Variants in PDPR observed in about 807,000 individuals in gnomAD.
PDPR encodes the protein pyruvate dehydrogenase phosphatase regulatory subunit, mitochondrial.
Under a neutral mutation model 102.2 loss-of-function variants are expected in PDPR, and 50 were observed. The observed-to-expected ratio is 0.49, with a 90% confidence interval of 0.39 to 0.62. The LOEUF is 0.62. Ranked by LOEUF, PDPR falls within the 20% of genes least tolerant of loss-of-function variation. The probability of loss-of-function intolerance (pLI) is 0.00; values close to 1 mark genes in which losing one functional copy is unlikely to be tolerated. For missense variants in PDPR, 625 were observed against 1,098.2 expected (o/e 0.57, Z 6.09); for synonymous variants, 259 against 406.0 (o/e 0.64, Z 4.35).
In PDPR at chr16:70,157,835, C is replaced by T. The variant is rs1597391427; in HGVS notation, c.*956C>T. ...GCGTTTGACTTTGTCAGGTCAGCCT[C>T]ACTTGTCCCTTTCACAGTTGGCCCA... On this transcript the variant is annotated 3_prime_UTR_variant, in exon 19 of 19. Transcript: ENST00000288050. The T allele has an allele frequency of 1.9e-5, 3 of 155,146 alleles. No homozygotes were observed. In the South Asian group the frequency reaches 6.1e-4, roughly 32 times the overall value. The allele number at this position is 155,146 out of a possible 1,614,324, so 9.6% of individuals were successfully genotyped here.
intron 17 of PDPR, among the ~76,000 whole-genome samples, chr16:70,149,875 C>T (rs1402559889): frequency 1.3e-5 from 2 of 152,184 alleles, no homozygotes; most frequent in Non-Finnish European, 2.9e-5. Flanking sequence ...ACTGCAAGCT[C>T]CGCCTCCCGG....
In PDPR at chr16:70,156,714, G is replaced by C; in HGVS notation, c.2475G>C (p.Gly825=). The C allele has an allele frequency of 1.2e-6, 2 of 1,613,966 alleles. No individual in the cohort carries two copies. Among genetic ancestry groups the C allele is most frequent in the Non-Finnish European group, 1.7e-6 (2 of 1,179,916 alleles). ...TGCACAATTTTTCTGAGGACACGGG[G>C]GAAGAGCAAGTGGTGACAGCAGATT... ...GFVHNFSEDT[G]EEQVVTADFI... is the part of the protein sequence containing the mutation. Residue 825 remains glycine, a synonymous_variant, in exon 19 of 19, where the codon GGG becomes GGC. Transcript: ENST00000288050.
chr16:70,150,108 C>A (rs12598135), intron 17 of PDPR, among the ~76,000 whole-genome samples: 1 of 123,718 alleles, frequency 8.1e-6, no homozygotes, highest in East Asian at 2.7e-4. Flanking sequence ...TTTTTTTTTT[C>A]TTTTTTTTTT....
chr16:70,119,999 C>G (rs1345106313), intron 2 of PDPR: 1 of 155,712 alleles, frequency 6.4e-6, no homozygotes, highest in East Asian at 1.9e-4. Flanking sequence ...TCGCTGCAGC[C>G]TCCGCCTCCC....
At chr16:70,156,017 G>A (rs1967135244) in intron 18 of PDPR, among the ~76,000 whole-genome samples, 1 of 152,184 alleles carries the variant, frequency 6.6e-6, no homozygotes. Flanking sequence ...AGCCTCCCAA[G>A]TAGCTAGAAC....
intron 6 of PDPR, among the ~76,000 whole-genome samples, chr16:70,129,424 A>T (rs1964316008): frequency 6.6e-6 from 1 of 152,290 alleles, no homozygotes; most frequent in Non-Finnish European, 1.5e-5. Flanking sequence ...GGCTCACTGC[A>T]ACCTTCGCCT....
intron 11 of PDPR, among the ~76,000 whole-genome samples, chr16:70,139,277 T>C (rs1241456877): frequency 6.6e-6 from 1 of 152,266 alleles, no homozygotes; most frequent in Non-Finnish European, 1.5e-5. Context: ...AGTTGGTACA[T>C]AGCAGCTTCA....
At position 70,130,435 on chromosome 16, in the gene PDPR, A is replaced by C. The variant is rs759472571; in HGVS notation, c.620A>C (p.Tyr207Ser). The C allele has an allele frequency of 1.2e-6, 2 of 1,613,516 alleles. No homozygotes were observed. The highest frequency in any genetic ancestry group is 3.3e-5 in the Admixed American group (2 of 59,920). ...TACCTTGGAACAGGTGTTCAGATCT[A>C]TGACCGGACATCTGTTCTTCATGTA... ...SAASQNGVQIYDRTSVLHVMV... is the reference protein window; with the variant it reads ...SAASQNGVQISDRTSVLHVMV... Residue 207 changes from tyrosine to serine, a missense_variant, in exon 7 of 19, where the codon TAT becomes TCT. Around this residue, in one of 11 missense-constraint regions of PDPR, gnomAD observed 35 missense variants for 63.5 expected, o/e 0.55. Coordinates refer to ENST00000288050, the MANE Select transcript of PDPR (RefSeq NM_017990.5).
intron 2 of PDPR, among the ~76,000 whole-genome samples, chr16:70,115,775 A>G (rs936749136): frequency 6.6e-6 from 1 of 151,954 alleles, no homozygotes; most frequent in Non-Finnish European, 1.5e-5. Flanking sequence ...TTAGCAGAGA[A>G]TATTATACGG....
Position 70,160,679 on chromosome 16 carries a change from T to C in PDPR, c.*3800T>C, listed in dbSNP as rs1266791516. The stretch of plus-strand genomic sequence containing the variant: ...TTGCTTGCTTTCCTGGACTGCTGTT[T>C]GCAAGAAAGTAACTAAAACATGAAA... On this transcript the variant is annotated 3_prime_UTR_variant, in exon 19 of 19. Coordinates refer to ENST00000288050, the MANE Select transcript of PDPR (RefSeq NM_017990.5). 6.6e-6 allele frequency: 1 copy of C among 152,544 alleles called. No homozygotes were observed. Among genetic ancestry groups the C allele is most frequent in the African/African-American group, 2.4e-5 (1 of 41,488 alleles). 9.4% of individuals were successfully genotyped at this position (152,544 alleles called of 1,614,324 possible).
At position 70,157,036 on chromosome 16, in the gene PDPR, T is replaced by A. The variant is rs968555397; in HGVS notation, c.*157T>A. 4 of 1,112,270 alleles carry A rather than the reference T, an allele frequency of 3.6e-6. No homozygotes were observed. The East Asian group carries it at 1.0e-4, about 29-fold the overall frequency. The allele number at this position is 1,112,270 out of a possible 1,614,324, so 68.9% of individuals were successfully genotyped here. On this transcript the variant is annotated 3_prime_UTR_variant, in exon 19 of 19. Transcript: ENST00000288050. ...ATTTTGAACTTGACCTACTTTAAAC[T>A]TTTTTGCTCTGCAGCCTTCCTTGCC...
downstream of PDPR, among the ~76,000 whole-genome samples, chr16:70,162,991 C>T (rs1967922006): frequency 6.6e-6 from 1 of 152,262 alleles, no homozygotes; most frequent in Admixed American, 6.5e-5. Flanking sequence ...TGCTCTTTTG[C>T]CCAGGCTGGA....
chr16:70,139,902 G>A lies in PDPR; in HGVS notation c.1315+879G>A, dbSNP rs1427025910. Among the ~76,000 whole-genome samples the A allele has an allele frequency of 5.3e-5, 8 of 152,264 alleles. 1 individual carries two copies. The highest frequency in any genetic ancestry group is 1.9e-4 in the African/African-American group (8 of 41,470). ...GTTTGGTAGTTGAACAACATTGTTG[G>A]TGAGGACTCTGGATGGCCTTTAATG... is the stretch of plus-strand genomic sequence containing the variant. On this transcript the variant is annotated intron_variant, in intron 11 of 18. Coordinates refer to ENST00000288050, the MANE Select transcript of PDPR (RefSeq NM_017990.5).
rs1474383599 is a variant in PDPR, at chr16:70,115,349, C to T, written c.-33+419C>T. The stretch of plus-strand genomic sequence containing the variant: ...ATGTTGGCCAGGCTGGTCTCGAACT[C>T]CTGACCTCGTGATTCTCCCGCCTCA... On this transcript the variant is annotated intron_variant, in intron 2 of 18. Coordinates refer to ENST00000288050, the MANE Select transcript of PDPR (RefSeq NM_017990.5). 2.0e-5 allele frequency among the ~76,000 whole-genome samples: 3 copies of T among 152,128 alleles called. No individual in the cohort carries two copies. The East Asian group carries it at 5.8e-4, about 29-fold the overall frequency.
At position 70,146,102 on chromosome 16, in the gene PDPR, G is replaced by C. The variant is rs376273126; in HGVS notation, c.1868-32G>C. 1.4e-4 allele frequency: 227 copies of C among 1,607,780 alleles called. 2 individuals are homozygous for C. The highest frequency in any genetic ancestry group is 1.8e-4 in the Non-Finnish European group (213 of 1,174,836). Reference sequence around the variant, plus strand: ...CCATTGGCTCAGCTGTTCAGAAGGAGAGCTGGACATCTCTTGTTCTTTTCC... The same window carrying C: ...CCATTGGCTCAGCTGTTCAGAAGGACAGCTGGACATCTCTTGTTCTTTTCC... On this transcript the variant is annotated intron_variant, in intron 15 of 18. Transcript: ENST00000288050.
chr16:70,146,313 G>A, intron 16 of PDPR, 85 bp downstream of exon 16: 2 of 1,599,986 alleles, frequency 1.3e-6, no homozygotes, highest in South Asian at 2.2e-5. Flanking sequence ...TTACTATGGT[G>A]TTAGCACCCA....
intron 12 of PDPR, 71 bp from the exon 13 acceptor site, chr16:70,142,482 T>C (rs746404604): frequency 1.2e-6 from 2 of 1,612,954 alleles, no homozygotes; most frequent in East Asian, 4.5e-5. Flanking sequence ...CTAGAATGTG[T>C]TCACAGAAGA....
chr16:70,154,135 G>A (rs967763836), intron 18 of PDPR, among the ~76,000 whole-genome samples: 13 of 152,324 alleles, frequency 8.5e-5, no homozygotes, highest in Admixed American at 2.0e-4. Flanking sequence ...CAGCCTGGGC[G>A]ACAGAGCGAG....
downstream of PDPR, among the ~76,000 whole-genome samples, chr16:70,163,099 C>T (rs1445749673): frequency 1.3e-5 from 2 of 152,260 alleles, no homozygotes; most frequent in African/African-American, 2.4e-5. Context: ...CAGGCACGCG[C>T]CACCATGCCC....
Sources: gnomAD v4.1 joint callset for allele counts (sites outside exome capture counted in the v4.1 genomes callset) on GRCh38, gnomAD v4.1.1 for gene constraint, gnomAD v4.1.1 regional missense constraint, MANE v1.5 for transcripts, NCBI Gene and HGNC (gene_info 2026-07-23, HGNC 2026-07-21) for gene names.